The following RYR2 variants were observed in gnomAD, a reference collection of about 807,000 sequenced individuals.
The protein encoded by RYR2 is ryanodine receptor 2.
In RYR2, 227 loss-of-function variants were observed where a neutral mutation model predicts 601.1. The observed-to-expected ratio is 0.38, with a 90% CI of 0.34 to 0.42. The LOEUF (loss-of-function observed/expected upper bound fraction) is 0.42. Ranked by LOEUF, RYR2 falls within the 10% of genes least tolerant of loss-of-function variation. The probability of loss-of-function intolerance (pLI) is 1.00; values close to 1 mark genes in which losing one functional copy is unlikely to be tolerated. For synonymous variants in RYR2, 2,223 were observed against 2,175.1 expected (o/e 1.02, Z -0.61); for missense variants, 4,646 against 6,156.5 (o/e 0.75, Z 8.21).
intron 23 of RYR2, among the ~76,000 whole-genome samples, chr1:237,509,905 C>A (rs79700489): frequency 0.03 from 4,625 of 152,288 alleles, 84 homozygotes; most frequent in Non-Finnish European, 0.046. Flanking sequence ...AGAGACAGGA[C>A]ATTAGCCATG....
chr1:237,547,273 T>C (rs1669930009), intron 25 of RYR2, among the ~76,000 whole-genome samples: 1 of 152,104 alleles, frequency 6.6e-6, no homozygotes, highest in African/African-American at 2.4e-5. Flanking sequence ...CCCAAAGTGC[T>C]GGGATTACAG....
chr1:237,136,807 G>A (rs1188037663), intron 1 of RYR2, among the ~76,000 whole-genome samples: 3 of 152,006 alleles, frequency 2.0e-5, no homozygotes, highest in Non-Finnish European at 4.4e-5. Flanking sequence ...CCTGAGGCTA[G>A]GAGTTCAAGA....
chr1:237,614,324 G>C lies in RYR2; in HGVS notation c.5196G>C (p.Glu1732Asp), dbSNP rs1449437747. 6 of 1,614,024 alleles carry C rather than the reference G, an allele frequency of 3.7e-6. No individual in the cohort carries two copies. Among genetic ancestry groups the C allele is most frequent in the Non-Finnish European group, 5.1e-6 (6 of 1,179,902 alleles). Residue 1732 changes from glutamate (E) to aspartate (D), a missense_variant, in exon 37 of 105, where the codon GAG (glutamate) becomes GAC (aspartate). Glu to Asp is a conservative substitution (Grantham distance 45). This residue lies in a region of RYR2 where 1,807 missense variants were observed against 2,088.1 expected (regional missense o/e 0.87). Transcript: ENST00000366574. This position sits in a 1 kb window ranked among gnomAD's most constrained non-coding sequence, Gnocchi z 4.3. ...NNEYIVPMTEETKSITLFPDE... is the reference protein window; with the variant it reads ...NNEYIVPMTEDTKSITLFPDE... ...AGTACATTGTCCCCATGACGGAGGA[G>C]ACGAAGAGCATCACCCTGTTCCCTG...
At chr1:237,521,742 A>ACC (rs2147863778) in intron 24 of RYR2, among the ~76,000 whole-genome samples, 2 of 67,164 alleles carry the variant, frequency 3.0e-5, no homozygotes, top group East Asian at 1.7e-3. Flanking sequence ...AAAATTAAAT[A>ACC]CATAAAAAAA....
chr1:237,162,997 C>G (rs947711000), intron 1 of RYR2, among the ~76,000 whole-genome samples: 4 of 152,208 alleles, frequency 2.6e-5, no homozygotes, highest in African/African-American at 9.7e-5. Context: ...ACTCCATCTG[C>G]TTATCCAGTG....
intron 25 of RYR2, among the ~76,000 whole-genome samples, chr1:237,535,507 AC>A (rs1668525001): frequency 6.6e-6 from 1 of 151,772 alleles, no homozygotes; most frequent in Non-Finnish European, 1.5e-5. Flanking sequence ...ACACACACAC[AC>A]ACACACACAC....
intron 37 of RYR2, among the ~76,000 whole-genome samples, chr1:237,616,248 A>G (rs904940076): frequency 2.6e-5 from 4 of 152,184 alleles, no homozygotes; most frequent in African/African-American, 9.7e-5. Flanking sequence ...ACTGTCATGT[A>G]TTTATATCAC....
At chr1:237,219,487 G>A (rs570298582) in intron 1 of RYR2, among the ~76,000 whole-genome samples, 15 of 152,182 alleles carry the variant, frequency 9.9e-5, no homozygotes, top group African/African-American at 1.4e-4. Flanking sequence ...CCCCGGAGAC[G>A]TCTACTTAAG....
intron 34 of RYR2, among the ~76,000 whole-genome samples, chr1:237,600,393 T>A (rs1377358923): frequency 6.6e-6 from 1 of 152,054 alleles, no homozygotes; most frequent in East Asian, 1.9e-4. Context: ...AAATTGAATA[T>A]CCACATGCAG....
chr1:237,328,272 G>T (rs1696355220), intron 2 of RYR2, among the ~76,000 whole-genome samples: 1 of 151,706 alleles, frequency 6.6e-6, no homozygotes, highest in South Asian at 2.1e-4. Flanking sequence ...TACATTAACA[G>T]TTTTTTTTAC....
At chr1:237,318,271 TC>T (rs1281841080) in intron 2 of RYR2, among the ~76,000 whole-genome samples, 2 of 152,120 alleles carry the variant, frequency 1.3e-5, no homozygotes, top group Admixed American at 1.3e-4. Flanking sequence ...TCCTTCATAC[TC>T]TTTTTTTGTG....
At chr1:237,681,066 C>T (rs1052526204) in intron 62 of RYR2, among the ~76,000 whole-genome samples, 1 of 152,176 alleles carries the variant, frequency 6.6e-6, no homozygotes, top group African/African-American at 2.4e-5. Context: ...AATGCTTTCT[C>T]ATTTCTGTTT....
At chr1:237,445,615 GGTAATAAAT>G in intron 14 of RYR2, 93 bp downstream of exon 14, 2 of 1,484,062 alleles carry the variant, frequency 1.3e-6, no homozygotes, top group Non-Finnish European at 1.9e-6. Context: ...ATGCTATGAT[GGTAATAAAT>G]CTCATACTGT....
rs545455068 is a variant in RYR2 at position 237,070,756 on chromosome 1, G to A, written c.48+28187G>A. ...GCTGGGGTGGGGTGGGCTGCTCCAG[G>A]TGCTGGCACAGGTGCCAGCTCCATG... On this transcript the variant is annotated intron_variant, in intron 1 of 104. Transcript: ENST00000366574. Among the ~76,000 whole-genome samples the A allele has an allele frequency of 2.1e-3, 319 of 152,308 alleles. 2 individuals are homozygous for A. The highest frequency in any genetic ancestry group is 0.018 in the South Asian group (86 of 4,828).
intron 10 of RYR2, among the ~76,000 whole-genome samples, chr1:237,392,267 G>A (rs1702447530): frequency 6.6e-6 from 1 of 151,958 alleles, no homozygotes; most frequent in South Asian, 2.1e-4. Context: ...GCACAACAGG[G>A]TAACTATAGC....
intron 29 of RYR2, among the ~76,000 whole-genome samples, chr1:237,584,535 G>A (rs1488856917): frequency 1.3e-5 from 2 of 151,690 alleles, no homozygotes. Flanking sequence ...GCACATGGTA[G>A]GTGTTCATTA....
chr1:237,445,283 G>C (rs925066160), intron 13 of RYR2, 118 bp from the exon 14 acceptor site: 2 of 1,284,904 alleles, frequency 1.6e-6, no homozygotes, highest in Non-Finnish European at 2.2e-6. Flanking sequence ...ACAGTCCCCT[G>C]TACCTGCCTT....
Position 237,594,896 on chromosome 1 carries a change from T to G in RYR2, c.4437-602T>G, listed in dbSNP as rs79216423. 2.0e-3 allele frequency among the ~76,000 whole-genome samples: 41 copies of G among 20,454 alleles called. 1 individual carries two copies. Among genetic ancestry groups the G allele is most frequent in the South Asian group, 9.0e-3 (2 of 222 alleles). 13.4% of individuals were successfully genotyped at this position (20,454 alleles called of 152,430 possible). ...GGTTAATATCACTGGGTTTTTTTTT[T>G]TTTTTTTTTTTTTTTTTTTTTTTTT... On this transcript the variant is annotated intron_variant, in intron 33 of 104. Coordinates refer to ENST00000366574, the MANE Select transcript of RYR2 (RefSeq NM_001035.3).
chr1:237,490,042 C>A (rs1238846267), intron 17 of RYR2, among the ~76,000 whole-genome samples: 2 of 152,158 alleles, frequency 1.3e-5, no homozygotes, highest in African/African-American at 2.4e-5. Flanking sequence ...AACATGGATG[C>A]AACTGGAGGT....
Sources: allele counts gnomAD v4.1 joint callset (sites outside exome capture counted in the v4.1 genomes callset), GRCh38; gene constraint gnomAD v4.1.1; regional missense constraint gnomAD v4.1.1; non-coding constraint Gnocchi (gnomAD v3.1); transcripts MANE v1.5; gene names NCBI Gene and HGNC (gene_info 2026-07-23, HGNC 2026-07-21).